The following TINAG variants were observed in gnomAD, a reference collection of about 807,000 sequenced individuals.
TINAG encodes the protein tubulointerstitial nephritis antigen.
In TINAG, 83 loss-of-function variants were observed where a neutral mutation model predicts 72.7. The ratio of observed to expected loss-of-function variants is 1.14; its 90% confidence interval spans 0.96 to 1.37. The LOEUF is 1.37. Among genes scored for constraint, TINAG ranks in the 40% most tolerant of loss-of-function variants. The pLI is 0.00. For missense variants in TINAG, 685 were observed against 576.6 expected, an observed-to-expected ratio of 1.19 and a Z score of -1.93; for synonymous variants, 234 against 189.9, an observed-to-expected ratio of 1.23 and a Z score of -1.91.
intron 4 of TINAG, chr6:54,327,350 G>A (rs1784631668): frequency 1.9e-6 from 1 of 523,860 alleles, no homozygotes; most frequent in Non-Finnish European, 3.0e-6. Context: ...GAGCAAGGAG[G>A]CTGGGAACTC....
intron 9 of TINAG, among the ~76,000 whole-genome samples, chr6:54,379,756 CT>C (rs1343895581): frequency 3.3e-5 from 5 of 151,460 alleles, no homozygotes; most frequent in African/African-American, 7.3e-5. Flanking sequence ...GTTGTACCTC[CT>C]TTTTTAATCT....
intron 1 of TINAG, among the ~76,000 whole-genome samples, chr6:54,314,988 T>C (rs961181172): frequency 6.6e-6 from 1 of 152,178 alleles, no homozygotes; most frequent in African/African-American, 2.4e-5. Flanking sequence ...TTTCTTTTGT[T>C]TTATCTTGCT....
chr6:54,321,380 A>G lies in TINAG; in HGVS notation c.503A>G (p.Asp168Gly). Residue 168 changes from aspartate (D) to glycine (G), a missense_variant, in exon 3 of 11, where the codon GAC becomes GGC. Asp to Gly is a moderately conservative substitution (Grantham distance 94, BLOSUM62 -1). Coordinates refer to ENST00000259782, the MANE Select transcript of TINAG (RefSeq NM_014464.4). ...SELIEQVNKG[D>G]YGWTAQNYSQ... ...TTAATTGAACAGGTCAATAAAGGAG[A>G]CTATGGGTGAGAGAAATCTTGCTTT... 1 of 1,609,532 alleles carries G rather than the reference A, an allele frequency of 6.2e-7. No individual in the cohort carries two copies. Among genetic ancestry groups the G allele is most frequent in the Non-Finnish European group, 8.5e-7 (1 of 1,176,280 alleles).
rs577230456 is a variant in TINAG at position 54,380,494 on chromosome 6, A to T, written c.1251-32A>T. On this transcript the variant is annotated intron_variant, in intron 9 of 10. Coordinates refer to ENST00000259782, the MANE Select transcript of TINAG (RefSeq NM_014464.4). ...AAGAAGCAAACCAAACATTTTAACC[A>T]TACCAATCTTTATTATTGTTATTAA... The T allele has an allele frequency of 1.1e-5, 17 of 1,586,976 alleles. No homozygotes were observed. In the South Asian group the frequency reaches 1.6e-4, roughly 15 times the overall value.
chr6:54,377,585 T>C (rs1406082741), intron 9 of TINAG, among the ~76,000 whole-genome samples: 2 of 152,092 alleles, frequency 1.3e-5, no homozygotes, highest in Admixed American at 6.6e-5. Context: ...CAAATGTTTG[T>C]AAATAATCTT....
At chr6:54,352,159 C>T (rs1785281011) in intron 8 of TINAG, among the ~76,000 whole-genome samples, 1 of 151,676 alleles carries the variant, frequency 6.6e-6, no homozygotes, top group African/African-American at 2.4e-5. Context: ...GTTGTGAATA[C>T]TGAAGGGCCC....
intron 3 of TINAG, among the ~76,000 whole-genome samples, chr6:54,326,317 A>G (rs1386303813): frequency 3.3e-5 from 5 of 151,880 alleles, no homozygotes; most frequent in Non-Finnish European, 7.4e-5. Flanking sequence ...TTTTTAATTA[A>G]TTTTTAAAAA....
chr6:54,319,539 T>C (rs1442375888), intron 1 of TINAG, among the ~76,000 whole-genome samples: 1 of 152,134 alleles, frequency 6.6e-6, no homozygotes. Context: ...ATTCATTAAG[T>C]AGAATATTGG....
chr6:54,336,792 C>T (rs182232231), intron 4 of TINAG, among the ~76,000 whole-genome samples: 1 of 152,028 alleles, frequency 6.6e-6, no homozygotes, highest in East Asian at 1.9e-4. Flanking sequence ...ATTAAGAAGG[C>T]TAGTATGGCA....
At chr6:54,331,567 C>G (rs1185571187) in intron 4 of TINAG, among the ~76,000 whole-genome samples, 1 of 152,208 alleles carries the variant, frequency 6.6e-6, no homozygotes, top group East Asian at 1.9e-4. Context: ...GATGCCCTCT[C>G]TCACCACTTT....
chr6:54,358,532 G>A (rs1436859487), intron 9 of TINAG, among the ~76,000 whole-genome samples: 6 of 126,538 alleles, frequency 4.7e-5, no homozygotes, highest in Admixed American at 7.7e-5. Context: ...GAAGTTATTC[G>A]TCAAAAAAAA....
At chr6:54,366,997 C>G (rs1210608323) in intron 9 of TINAG, 1 of 151,658 alleles carries the variant, frequency 6.6e-6, no homozygotes, top group Non-Finnish European at 1.5e-5. Context: ...TTAATGATGA[C>G]TACTTACTGA....
chr6:54,348,404 T>C (rs1053440028), intron 6 of TINAG, among the ~76,000 whole-genome samples: 1 of 152,074 alleles, frequency 6.6e-6, no homozygotes, highest in Non-Finnish European at 1.5e-5. Context: ...ATGTAAATTA[T>C]TATTGAGACC....
intron 4 of TINAG, among the ~76,000 whole-genome samples, chr6:54,327,426 A>G (rs1784632992): frequency 6.6e-6 from 1 of 152,144 alleles, no homozygotes; most frequent in African/African-American, 2.4e-5. Context: ...TGGCCCAGTT[A>G]CTATGCTTTT....
chr6:54,350,437 G>T (rs535620672), intron 7 of TINAG, among the ~76,000 whole-genome samples: 78 of 151,754 alleles, frequency 5.1e-4, no homozygotes, highest in African/African-American at 1.6e-3. Context: ...AATACAATTC[G>T]GTGTTCTAAC....
intron 9 of TINAG, among the ~76,000 whole-genome samples, chr6:54,371,110 CTGTG>C (rs70983416): frequency 0.022 from 3,326 of 148,996 alleles, 101 homozygotes; most frequent in African/African-American, 0.066. Flanking sequence ...CTTACGAAAA[CTGTG>C]TGTGTGTGTG....
rs1417944557 is a variant in TINAG at position 54,361,933 on chromosome 6, C to T, written c.1250+7297C>T. On this transcript the variant is annotated intron_variant, in intron 9 of 10. Transcript: ENST00000259782. ...AGCCAAAGCCTAATTCACAGCAAGG[C>T]CCTACCTTTCTTTAATTCCATGAAG... Among the ~76,000 whole-genome samples the T allele has an allele frequency of 2.0e-5, 3 of 151,636 alleles. No individual in the cohort carries two copies. In the Admixed American group the frequency reaches 2.0e-4, roughly 10 times the overall value.
intron 6 of TINAG, among the ~76,000 whole-genome samples, chr6:54,348,041 C>G (rs1377047800): frequency 2.6e-5 from 4 of 152,046 alleles, no homozygotes; most frequent in Non-Finnish European, 5.9e-5. Flanking sequence ...TAGGCTGATA[C>G]CCATATAACA....
intron 9 of TINAG, among the ~76,000 whole-genome samples, chr6:54,368,629 C>T (rs889119309): frequency 1.3e-5 from 2 of 151,124 alleles, no homozygotes; most frequent in Admixed American, 6.6e-5. Context: ...TTTTATAATT[C>T]AATGTATTCC....
Sources: allele counts gnomAD v4.1 joint callset (sites outside exome capture counted in the v4.1 genomes callset), GRCh38; gene constraint gnomAD v4.1.1; transcripts MANE v1.5; gene names NCBI Gene and HGNC (gene_info 2026-07-23, HGNC 2026-07-21).